Variants in IKZF2 observed in about 807,000 individuals in gnomAD.
IKZF2 encodes the protein IKAROS family zinc finger 2, also known as zinc finger protein Helios.
In IKZF2, 15 loss-of-function variants were observed where a neutral mutation model predicts 49.2. The observed-to-expected ratio is 0.30, with a 90% confidence interval of 0.20 to 0.47. The LOEUF (loss-of-function observed/expected upper bound fraction) is 0.47. IKZF2 is among the 20% of genes least tolerant of loss of function. The pLI, the probability that IKZF2 is intolerant of heterozygous loss-of-function variation, is 1.00. For synonymous variants in IKZF2, 227 were observed against 221.4 expected, an observed-to-expected ratio of 1.03 and a Z score of -0.23; for missense variants, 567 against 664.6, an observed-to-expected ratio of 0.85 and a Z score of 1.61.
chr2:213,004,258 C>T lies in IKZF2; in HGVS notation c.*3102G>A, dbSNP rs773240630. On this transcript the variant is annotated 3_prime_UTR_variant, in exon 9 of 9. Transcript: ENST00000434687. ...TTCTACTACGTAGCCAAATCTAAGT[C>T]GTAGTTTCTTATTTTCCCAATTTTG... The T allele has an allele frequency of 4.0e-5, 6 of 151,726 alleles. No individual in the cohort carries two copies. Among genetic ancestry groups the T allele is most frequent in the Non-Finnish European group, 8.8e-5 (6 of 67,816 alleles). The allele number at this position is 151,726 out of a possible 1,614,324, so 9.4% of individuals were successfully genotyped here.
chr2:213,081,907 G>A (rs4672672), intron 4 of IKZF2, among the ~76,000 whole-genome samples: 1 of 152,056 alleles, frequency 6.6e-6, no homozygotes, highest in Non-Finnish European at 1.5e-5. Context: ...AGTCCATTAA[G>A]GATATTCAAT....
chr2:213,059,219 C>A (rs767075769), intron 4 of IKZF2, among the ~76,000 whole-genome samples: 25 of 151,650 alleles, frequency 1.6e-4, no homozygotes, highest in Non-Finnish European at 3.7e-4. Flanking sequence ...GGTTGTCAGT[C>A]TTTTCTCACT....
At chr2:213,053,922 A>C (rs144839970) in intron 5 of IKZF2, among the ~76,000 whole-genome samples, 2 of 152,292 alleles carry the variant, frequency 1.3e-5, no homozygotes, top group African/African-American at 2.4e-5. Context: ...TGATATTGTA[A>C]TGAATTGGAT....
chr2:213,117,264 A>T (rs888342084), intron 4 of IKZF2, among the ~76,000 whole-genome samples: 1 of 152,170 alleles, frequency 6.6e-6, no homozygotes, highest in African/African-American at 2.4e-5. Flanking sequence ...CTGAATAATC[A>T]TATCTCACAT....
At chr2:213,084,098 G>A (rs1432062533) in intron 4 of IKZF2, among the ~76,000 whole-genome samples, 1 of 152,084 alleles carries the variant, frequency 6.6e-6, no homozygotes, top group African/African-American at 2.4e-5. Flanking sequence ...ACTGACACTT[G>A]TCACCTGCCA....
At chr2:213,064,409 C>G (rs1161899644) in intron 4 of IKZF2, among the ~76,000 whole-genome samples, 1 of 151,904 alleles carries the variant, frequency 6.6e-6, no homozygotes, top group East Asian at 1.9e-4. Context: ...AGTTTCCTCC[C>G]TACTTTCATG....
intron 5 of IKZF2, 78 bp downstream of exon 5, chr2:213,056,755 A>T: frequency 6.4e-7 from 1 of 1,560,432 alleles, no homozygotes; most frequent in Admixed American, 1.7e-5. Flanking sequence ...CTGAATAAAA[A>T]GGAAAGAGAA....
At position 213,001,792 on chromosome 2, in the gene IKZF2, T is replaced by C. The variant is rs1307041404; in HGVS notation, c.*5568A>G. The C allele has an allele frequency of 1.3e-5, 2 of 151,846 alleles. No individual in the cohort carries two copies. The highest frequency in any genetic ancestry group is 3.9e-4 in the East Asian group (2 of 5,134). The allele number at this position is 151,846 out of a possible 1,614,324, so 9.4% of individuals were successfully genotyped here. ...TAAGAGATAACAGAGAGACCTTTGTTACACAGAAAGGGAAGGGAGTTATGT... is the reference window on the plus strand; with the variant it reads ...TAAGAGATAACAGAGAGACCTTTGTCACACAGAAAGGGAAGGGAGTTATGT... On this transcript the variant is annotated 3_prime_UTR_variant, in exon 9 of 9. Coordinates refer to ENST00000434687, the MANE Select transcript of IKZF2 (RefSeq NM_001387220.1).
chr2:213,074,370 C>T (rs1483434051), intron 4 of IKZF2, among the ~76,000 whole-genome samples: 2 of 152,134 alleles, frequency 1.3e-5, no homozygotes, highest in East Asian at 1.9e-4. Flanking sequence ...CAAACCTGCA[C>T]AGCATGTTAC....
At chr2:213,111,790 GT>G (rs1319077573) in intron 4 of IKZF2, among the ~76,000 whole-genome samples, 1 of 151,864 alleles carries the variant, frequency 6.6e-6, no homozygotes, top group Non-Finnish European at 1.5e-5. Context: ...TTTGTCCTAT[GT>G]TTTTTCACTG....
chr2:213,102,205 T>C (rs986898277), intron 4 of IKZF2, among the ~76,000 whole-genome samples: 12 of 152,158 alleles, frequency 7.9e-5, no homozygotes, highest in Admixed American at 6.6e-4. Context: ...ATGGGACAGA[T>C]GCATAGTCCC....
chr2:213,083,890 T>C (rs1704266945), intron 4 of IKZF2, among the ~76,000 whole-genome samples: 1 of 151,836 alleles, frequency 6.6e-6, no homozygotes, highest in Admixed American at 6.6e-5. Context: ...TAGAATTATT[T>C]CATTATATAT....
intron 4 of IKZF2, among the ~76,000 whole-genome samples, chr2:213,093,019 T>A (rs1705531504): frequency 6.6e-6 from 1 of 152,152 alleles, no homozygotes; most frequent in Non-Finnish European, 1.5e-5. Context: ...GTCAGAAAGT[T>A]TTCTGCTCTA....
chr2:213,148,841 A>G (rs2061171179), intron 2 of IKZF2, among the ~76,000 whole-genome samples, 197 bp from the exon 3 acceptor site: 2 of 152,160 alleles, frequency 1.3e-5, no homozygotes, highest in Non-Finnish European at 2.9e-5. Flanking sequence ...TTCCTGCTGG[A>G]GATAGGATAG....
chr2:213,016,116 CT>C (rs1305550974), intron 7 of IKZF2, among the ~76,000 whole-genome samples: 1 of 152,054 alleles, frequency 6.6e-6, no homozygotes, highest in African/African-American at 2.4e-5. Context: ...GATCTTGTTT[CT>C]ACCACATCGG....
chr2:213,085,019 C>T (rs1335662301), intron 4 of IKZF2, among the ~76,000 whole-genome samples: 4 of 152,178 alleles, frequency 2.6e-5, no homozygotes, highest in Non-Finnish European at 4.4e-5. Flanking sequence ...TTACGCTGTA[C>T]GCTATGACCC....
At chr2:213,008,578 G>T (rs1358110048) in intron 8 of IKZF2, among the ~76,000 whole-genome samples, 2 of 152,040 alleles carry the variant, frequency 1.3e-5, no homozygotes, top group African/African-American at 4.8e-5. Flanking sequence ...TAAAAATTTT[G>T]TAAGCCATTT....
chr2:213,063,544 A>G (rs1444293620), intron 4 of IKZF2, among the ~76,000 whole-genome samples: 2 of 152,002 alleles, frequency 1.3e-5, no homozygotes, highest in Non-Finnish European at 2.9e-5. Context: ...ACAGATTTAG[A>G]ATCCTTTTAA....
At chr2:213,026,508 T>G (rs1319006817) in intron 6 of IKZF2, among the ~76,000 whole-genome samples, 1 of 152,152 alleles carries the variant, frequency 6.6e-6, no homozygotes, top group Non-Finnish European at 1.5e-5. Flanking sequence ...TAGAAAGAAC[T>G]AATAAGTGGA....
Sources: allele counts gnomAD v4.1 joint callset (sites outside exome capture counted in the v4.1 genomes callset), GRCh38; gene constraint gnomAD v4.1.1; transcripts MANE v1.5; gene names NCBI Gene and HGNC (gene_info 2026-07-23, HGNC 2026-07-21).